Variants in DCTD observed in about 807,000 individuals in gnomAD.
DCTD encodes dCMP deaminase, also known as deoxycytidylate deaminase.
In DCTD, 23 loss-of-function variants were observed where a neutral mutation model predicts 21.0. The ratio of observed to expected loss-of-function variants is 1.09; its 90% CI spans 0.79 to 1.55. The LOEUF (loss-of-function observed/expected upper bound fraction) is 1.55. Among genes scored for constraint, DCTD ranks in the 40% most tolerant of loss-of-function variants. DCTD has a pLI of 0.00. For synonymous variants in DCTD, 71 were observed against 81.1 expected (o/e 0.88, Z 0.67); for missense variants, 224 against 230.0 (o/e 0.97, Z 0.17).
chr4:182,899,411 T>C (rs1052932355), intron 3 of DCTD, among the ~76,000 whole-genome samples: 1 of 151,742 alleles, frequency 6.6e-6, no homozygotes, highest in Non-Finnish European at 1.5e-5. Flanking sequence ...TTTTCTTTTT[T>C]TTTTAGATGG....
At chr4:182,910,077 C>T (rs756498821) in intron 3 of DCTD, among the ~76,000 whole-genome samples, 1 of 152,172 alleles carries the variant, frequency 6.6e-6, no homozygotes, top group Non-Finnish European at 1.5e-5. Context: ...CAGAGTGAGG[C>T]CTCCCCCGAC....
intron 3 of DCTD, among the ~76,000 whole-genome samples, chr4:182,912,533 C>A (rs1031042217): frequency 1.3e-5 from 2 of 152,176 alleles, no homozygotes; most frequent in African/African-American, 4.8e-5. Context: ...TGCAGACAGA[C>A]AACCAGTGCC....
chr4:182,908,183 C>A (rs1737054736), intron 3 of DCTD, among the ~76,000 whole-genome samples: 1 of 152,168 alleles, frequency 6.6e-6, no homozygotes, highest in African/African-American at 2.4e-5. Context: ...AACAAAACTC[C>A]TGAAGGGAGA....
chr4:182,903,809 A>C (rs1304432396), intron 3 of DCTD, among the ~76,000 whole-genome samples: 1 of 152,002 alleles, frequency 6.6e-6, no homozygotes, highest in Non-Finnish European at 1.5e-5. Flanking sequence ...CTTCCTCCCT[A>C]CCATGTCCTC....
Position 182,893,804 on chromosome 4 carries a change from A to G in DCTD, c.362-677T>C, listed in dbSNP as rs145153807. On this transcript the variant is annotated intron_variant, in intron 4 of 5. Transcript: ENST00000438320. ...AGCCAGGGAGCCCACGCGACTCCTC[A>G]GTACCAGCAGGCCGCTTCTGCTCTG... Among the ~76,000 whole-genome samples, 343 of 152,372 alleles carry G rather than the reference A, an allele frequency of 2.3e-3. 3 individuals are homozygous for G. The highest frequency in any genetic ancestry group is 8.1e-3 in the African/African-American group (335 of 41,590).
intron 3 of DCTD, among the ~76,000 whole-genome samples, chr4:182,904,116 CT>C (rs1239941928): frequency 6.6e-6 from 1 of 152,120 alleles, no homozygotes; most frequent in African/African-American, 2.4e-5. Flanking sequence ...ATGCCTCTTG[CT>C]AAAGCTGCGG....
chr4:182,905,076 C>T (rs1736427066), intron 3 of DCTD, among the ~76,000 whole-genome samples: 1 of 152,190 alleles, frequency 6.6e-6, no homozygotes, highest in African/African-American at 2.4e-5. Flanking sequence ...GCCACCACCC[C>T]ACTTCTCTGC....
chr4:182,890,174 A>C lies in DCTD; in HGVS notation c.*1225T>G, dbSNP rs1733500657. 6.6e-6 allele frequency: 1 copy of C among 152,228 alleles called. No homozygotes were observed. The highest frequency in any genetic ancestry group is 1.5e-5 in the Non-Finnish European group (1 of 68,038). 9.4% of individuals were successfully genotyped at this position (152,228 alleles called of 1,614,324 possible). ...CAGAATACCCTAGAATGTGGAATAC[A>C]AAATCTCAGAGACAAAATAAAAACT... On this transcript the variant is annotated 3_prime_UTR_variant, in exon 6 of 6. Coordinates refer to ENST00000438320, the MANE Select transcript of DCTD (RefSeq NM_001921.3).
intron 3 of DCTD, among the ~76,000 whole-genome samples, chr4:182,900,590 C>G (rs1034229327): frequency 2.1e-5 from 3 of 143,520 alleles, no homozygotes; most frequent in Non-Finnish European, 3.1e-5. Flanking sequence ...ATAAGTTAGT[C>G]TAAATTGTAA....
At chr4:182,917,504 G>A (rs1738963597), upstream of DCTD, 1 of 288,762 alleles carries the variant, frequency 3.5e-6, no homozygotes, top group African/African-American at 2.3e-5. This position sits in a 1 kb window ranked among gnomAD's most constrained non-coding sequence, Gnocchi z 4.9. Context: ...GGACGGCGGG[G>A]GCGGGTCGCA....
At position 182,899,943 on chromosome 4, in the gene DCTD, G is replaced by A. The variant is rs565472986; in HGVS notation, c.245-5338C>T. Among the ~76,000 whole-genome samples the A allele has an allele frequency of 5.6e-4, 86 of 152,302 alleles. 3 individuals are homozygous for A. The South Asian group carries it at 0.016, about 29-fold the overall frequency. ...TGTTTGCATTATACTTACCAGGTGA[G>A]CATCCCAAATCCAAACATTTGAAAT... On this transcript the variant is annotated intron_variant, in intron 3 of 5. Coordinates refer to ENST00000438320, the MANE Select transcript of DCTD (RefSeq NM_001921.3).
intron 3 of DCTD, among the ~76,000 whole-genome samples, chr4:182,895,143 C>T (rs569637382): frequency 1.6e-4 from 25 of 152,210 alleles, no homozygotes; most frequent in Non-Finnish European, 3.5e-4. Flanking sequence ...ATGATCATAT[C>T]TCACTGCAGC....
intron 3 of DCTD, among the ~76,000 whole-genome samples, chr4:182,896,004 G>A (rs750399310): frequency 3.3e-5 from 5 of 152,142 alleles, no homozygotes; most frequent in Non-Finnish European, 5.9e-5. Context: ...AATGACATCC[G>A]GCCATGGCCC....
chr4:182,897,037 T>G (rs1395765474), intron 3 of DCTD, among the ~76,000 whole-genome samples: 1 of 152,186 alleles, frequency 6.6e-6, no homozygotes, highest in South Asian at 2.1e-4. Flanking sequence ...AACACTATGA[T>G]AGCGTCCTCT....
chr4:182,895,608 G>A (rs565777268), intron 3 of DCTD, among the ~76,000 whole-genome samples: 82 of 152,206 alleles, frequency 5.4e-4, no homozygotes, highest in Admixed American at 1.6e-3. Flanking sequence ...TCCTCCTTGA[G>A]GGGGAATGAG....
At position 182,915,019 on chromosome 4, in the gene DCTD, C is replaced by T. The variant is rs1374970068; in HGVS notation, c.148G>A (p.Gly50Arg). The change falls in exon 3 of 6, where the codon GGG becomes AGG. Residue 50 changes from glycine (G) to arginine (R), a missense_variant. Transcript: ENST00000438320. ...CIVNSENKIV[G>R]IGYNGMPNGC... ...TTTGGCATCCCATTGTACCCAATCC[C>T]GACAATCTTGTTTTCTGAATTCACG... is the stretch of plus-strand genomic sequence containing the variant. 2.5e-6 allele frequency: 4 copies of T among 1,614,208 alleles called. No individual in the cohort carries two copies. The highest frequency in any genetic ancestry group is 2.2e-5 in the East Asian group (1 of 44,880).
chr4:182,916,937 C>G (rs1738847134), intron 1 of DCTD: 3 of 999,372 alleles, frequency 3.0e-6, no homozygotes, highest in Non-Finnish European at 2.4e-6. Flanking sequence ...GCACACCCCA[C>G]GCCGCTCGCA....
chr4:182,907,064 CTT>C (rs1736845701), intron 3 of DCTD, among the ~76,000 whole-genome samples: 1 of 152,234 alleles, frequency 6.6e-6, no homozygotes, highest in African/African-American at 2.4e-5. Context: ...GTCTTAACCT[CTT>C]GTCTCTTTCA....
intron 3 of DCTD, among the ~76,000 whole-genome samples, chr4:182,904,496 A>AGCACTGG (rs1217521363): frequency 3.3e-5 from 5 of 152,162 alleles, no homozygotes; most frequent in African/African-American, 1.2e-4. Context: ...ACCGGGCCTG[A>AGCACTGG]GCACTGGGCA....
Sources: gnomAD v4.1 joint callset for allele counts (sites outside exome capture counted in the v4.1 genomes callset) on GRCh38, gnomAD v4.1.1 for gene constraint, Gnocchi (gnomAD v3.1) non-coding constraint, MANE v1.5 for transcripts, NCBI Gene and HGNC (gene_info 2026-07-23, HGNC 2026-07-21) for gene names.